Variants in RBFOX1 observed in about 807,000 individuals in gnomAD.
RBFOX1 encodes RNA binding fox-1 homolog 1, also known as RNA binding protein fox-1 homolog 1.
RBFOX1 carries 8 observed loss-of-function variants against 57.7 expected under a neutral mutation model. The ratio of observed to expected loss-of-function variants is 0.14; its 90% CI spans 0.08 to 0.25. RBFOX1 has a LOEUF of 0.25. Ranked by LOEUF, RBFOX1 falls within the 10% of genes least tolerant of loss-of-function variation. The pLI is 1.00. For synonymous variants in RBFOX1, 326 were observed against 222.4 expected (o/e 1.47, Z -4.15); for missense variants, 611 against 548.5 (o/e 1.11, Z -1.14).
intron 1 of RBFOX1, among the ~76,000 whole-genome samples, chr16:6,287,441 G>T (rs1372841358): frequency 6.6e-6 from 1 of 152,134 alleles, no homozygotes; most frequent in Non-Finnish European, 1.5e-5. Context: ...CAATGGATGT[G>T]TTTTGAGGAC....
chr16:6,217,639 C>T (rs1030311456), intron 1 of RBFOX1, among the ~76,000 whole-genome samples: 1 of 152,198 alleles, frequency 6.6e-6, no homozygotes, highest in South Asian at 2.1e-4. Flanking sequence ...GGCTGAGTAA[C>T]CTGCTTGTCT....
intron 5 of RBFOX1, among the ~76,000 whole-genome samples, chr16:7,565,353 CG>C (rs1434340942): frequency 6.6e-6 from 1 of 152,058 alleles, no homozygotes; most frequent in Non-Finnish European, 1.5e-5. Flanking sequence ...TATTTTCCCC[CG>C]AACTTTTCTC....
At chr16:7,423,256 C>T (rs994181953) in intron 4 of RBFOX1, among the ~76,000 whole-genome samples, 1 of 152,100 alleles carries the variant, frequency 6.6e-6, no homozygotes, top group African/African-American at 2.4e-5. Flanking sequence ...CCCATTTCAG[C>T]TGCTGTGTGG....
chr16:7,487,755 G>T (rs1167267516), intron 4 of RBFOX1, among the ~76,000 whole-genome samples: 4 of 152,120 alleles, frequency 2.6e-5, no homozygotes, highest in African/African-American at 9.7e-5. Context: ...GCTTGTAAAA[G>T]TGCCTCCTCA....
chr16:6,208,934 G>T (rs2097273639), intron 1 of RBFOX1, among the ~76,000 whole-genome samples: 1 of 151,986 alleles, frequency 6.6e-6, no homozygotes, highest in Non-Finnish European at 1.5e-5. Flanking sequence ...CATATATTGT[G>T]TTACACTTGC....
chr16:6,475,444 T>C (rs1380288494), intron 2 of RBFOX1, among the ~76,000 whole-genome samples: 1 of 152,234 alleles, frequency 6.6e-6, no homozygotes. Context: ...TTTGTTTAAA[T>C]TTGTAAGGTG....
intron 3 of RBFOX1, among the ~76,000 whole-genome samples, chr16:6,817,681 C>T (rs774595864): frequency 1.8e-4 from 28 of 151,372 alleles, no homozygotes; most frequent in Admixed American, 1.2e-3. Context: ...CCAGCCTGGG[C>T]GACAGAGCCA....
intron 3 of RBFOX1, among the ~76,000 whole-genome samples, chr16:6,734,175 G>C (rs1011862123): frequency 5.9e-5 from 9 of 152,098 alleles, no homozygotes; most frequent in African/African-American, 2.2e-4. Context: ...TTGTGCTTTT[G>C]ATTTCAGCCC....
chr16:7,493,084 G>A (rs34264483), intron 4 of RBFOX1, among the ~76,000 whole-genome samples: 55,366 of 152,058 alleles, frequency 0.36, 12,244 homozygotes, highest in Middle Eastern at 0.51. Flanking sequence ...TCACTATGTT[G>A]GTCAGGCTGG....
intron 2 of RBFOX1, among the ~76,000 whole-genome samples, chr16:6,637,625 G>A (rs994565389): frequency 2.1e-5 from 2 of 96,408 alleles, no homozygotes; most frequent in Non-Finnish European, 2.4e-5. Context: ...AACTTGAAAA[G>A]GTTGAAACTC....
At chr16:7,046,813 C>G (rs910760973) in intron 3 of RBFOX1, among the ~76,000 whole-genome samples, 2 of 151,860 alleles carry the variant, frequency 1.3e-5, no homozygotes, top group African/African-American at 4.8e-5. Flanking sequence ...GCTGTGTTGA[C>G]CAGACTGGTC....
At chr16:6,603,814 T>A (rs1234370544) in intron 2 of RBFOX1, among the ~76,000 whole-genome samples, 1 of 152,186 alleles carries the variant, frequency 6.6e-6, no homozygotes. Context: ...GTCCTGCTGT[T>A]TGGGTACTTT....
At chr16:6,995,502 C>T (rs117658530) in intron 3 of RBFOX1, among the ~76,000 whole-genome samples, 9,340 of 152,124 alleles carry the variant, frequency 0.061, 358 homozygotes, top group South Asian at 0.17. Context: ...TGGTGGCTCA[C>T]GCATGTAATC....
chr16:5,520,445 T>G (rs906646690), intron 2 of RBFOX1, among the ~76,000 whole-genome samples: 2 of 152,188 alleles, frequency 1.3e-5, no homozygotes, highest in Non-Finnish European at 2.9e-5. Context: ...CATTCAGACT[T>G]GGGCGTCCAT....
intron 3 of RBFOX1, among the ~76,000 whole-genome samples, chr16:6,847,297 T>C (rs768630916): frequency 1.3e-5 from 2 of 152,194 alleles, no homozygotes; most frequent in Non-Finnish European, 2.9e-5. Context: ...CTGTGCTCAT[T>C]TGGACAGCTC....
At chr16:6,118,439 C>T (rs1374233515) in intron 1 of RBFOX1, among the ~76,000 whole-genome samples, 1 of 152,130 alleles carries the variant, frequency 6.6e-6, no homozygotes, top group Non-Finnish European at 1.5e-5. Context: ...TGCTGGTTTC[C>T]AGAATCATAG....
chr16:5,418,640 T>C (rs1372450839), intron 1 of RBFOX1, among the ~76,000 whole-genome samples: 2 of 152,058 alleles, frequency 1.3e-5, no homozygotes, highest in Non-Finnish European at 2.9e-5. Context: ...CCGCCATACC[T>C]CCCTTGTCCT....
At chr16:5,829,837 G>C (rs2056201181) in intron 3 of RBFOX1, among the ~76,000 whole-genome samples, 1 of 152,150 alleles carries the variant, frequency 6.6e-6, no homozygotes, top group African/African-American at 2.4e-5. Flanking sequence ...TTTTGGAAAA[G>C]CCCTCAGTCA....
At chr16:6,288,634 C>A (rs534923950) in intron 1 of RBFOX1, among the ~76,000 whole-genome samples, 24 of 152,248 alleles carry the variant, frequency 1.6e-4, no homozygotes, top group African/African-American at 5.1e-4. Context: ...TTCTGGGAAA[C>A]TGCAAAATTG....
Sources: gnomAD v4.1 joint callset for allele counts (sites outside exome capture counted in the v4.1 genomes callset) on GRCh38, gnomAD v4.1.1 for gene constraint, MANE v1.5 for transcripts, NCBI Gene and HGNC (gene_info 2026-07-23, HGNC 2026-07-21) for gene names.